FLT1: variants seen among roughly 807,000 people sequenced by gnomAD.
The protein encoded by FLT1 is vascular endothelial growth factor receptor 1.
FLT1 carries 49 observed loss-of-function variants against 156.3 expected under a neutral mutation model. That is an observed-to-expected ratio of 0.31 (90% CI 0.25 to 0.40). The LOEUF is 0.40. FLT1 is among the 10% of genes least tolerant of loss of function. The probability of loss-of-function intolerance (pLI) is 1.00; values close to 1 mark genes in which losing one functional copy is unlikely to be tolerated. For missense variants in FLT1, 1,322 were observed against 1,637.2 expected (o/e 0.81, Z 3.32); for synonymous variants, 594 against 583.8 (o/e 1.02, Z -0.25).
intron 3 of FLT1, among the ~76,000 whole-genome samples, chr13:28,465,465 C>T (rs1204462057): frequency 6.6e-6 from 1 of 152,176 alleles, no homozygotes; most frequent in Non-Finnish European, 1.5e-5. Context: ...GTTCTGCTGT[C>T]TCCTAAGACT....
At chr13:28,468,901 AACAG>A (rs1443922530) in intron 1 of FLT1, among the ~76,000 whole-genome samples, 1 of 152,234 alleles carries the variant, frequency 6.6e-6, no homozygotes, top group Non-Finnish European at 1.5e-5. Flanking sequence ...AGAACAGCCT[AACAG>A]ACAGCCTCAT....
chr13:28,415,214 T>C (rs1256678595), intron 10 of FLT1, among the ~76,000 whole-genome samples: 1 of 152,178 alleles, frequency 6.6e-6, no homozygotes, highest in Non-Finnish European at 1.5e-5. Context: ...GTGCGGTGGC[T>C]CATGCCTGTA....
intron 14 of FLT1, among the ~76,000 whole-genome samples, chr13:28,377,830 T>C (rs898774809): frequency 1.3e-5 from 2 of 152,230 alleles, no homozygotes; most frequent in African/African-American, 2.4e-5. Context: ...GCTTTAAAAA[T>C]GTTTCAAAAC....
intron 13 of FLT1, chr13:28,387,907 CA>C (rs1874465796): frequency 9.4e-7 from 1 of 1,058,210 alleles, no homozygotes; most frequent in African/African-American, 1.7e-5. Flanking sequence ...TTCTTAAAAT[CA>C]TCTTTTGTAA....
intron 4 of FLT1, among the ~76,000 whole-genome samples, chr13:28,437,776 A>G (rs1424866625): frequency 6.6e-6 from 1 of 152,196 alleles, no homozygotes; most frequent in African/African-American, 2.4e-5. Context: ...TGCCAATTCA[A>G]ACCAAACGTG....
intron 11 of FLT1, among the ~76,000 whole-genome samples, chr13:28,404,500 T>C (rs892985860): frequency 6.6e-6 from 1 of 152,218 alleles, no homozygotes; most frequent in African/African-American, 2.4e-5. Context: ...TTTCACATAA[T>C]GAAAATTATA....
Position 28,357,631 on chromosome 13 carries a change from T to C in FLT1, c.2171A>G (p.Glu724Gly). 1 of 1,613,708 alleles carries C rather than the reference T, an allele frequency of 6.2e-7. No homozygotes were observed. The highest frequency in any genetic ancestry group is 2.2e-5 in the East Asian group (1 of 44,884). ...TTTGCAGTGATAGACACCTTCATCC[T>C]CTTCTGTGACTCTTTCAATAAACAG... Reference protein sequence around the residue: ...STLFIERVTEEDEGVYHCKAT... With the variant: ...STLFIERVTEGDEGVYHCKAT... Residue 724 changes from glutamate (E) to glycine (G), a missense_variant, in exon 15 of 30, where the codon GAG becomes GGG. Around this residue, in one of 3 missense-constraint regions of FLT1, gnomAD observed 991 missense variants for 1,254.8 expected, o/e 0.79. Transcript: ENST00000282397.
chr13:28,395,650 C>T (rs1160202812), intron 12 of FLT1, among the ~76,000 whole-genome samples: 2 of 152,164 alleles, frequency 1.3e-5, no homozygotes, highest in Non-Finnish European at 2.9e-5. Context: ...TATATTATAT[C>T]TCTATTGGAC....
At chr13:28,438,477 C>T (rs1878158263) in intron 3 of FLT1, 132 bp from the exon 4 acceptor site, 1 of 720,566 alleles carries the variant, frequency 1.4e-6, no homozygotes, top group Non-Finnish European at 2.4e-6. Flanking sequence ...TCCATACATT[C>T]ACATCTTTGT....
Position 28,345,470 on chromosome 13 carries a change from G to A in FLT1, c.2330C>T (p.Thr777Ile), listed in dbSNP as rs368259775. 89 of 1,610,688 alleles carry A rather than the reference G, an allele frequency of 5.5e-5. No homozygotes were observed. Among genetic ancestry groups the A allele is most frequent in the South Asian group, 4.2e-4 (38 of 90,830 alleles). ...VAATLFWLLL[T>I]LFIRKMKRSS... is the part of the protein sequence containing the mutation. ...CCTTTTCATTTTTCGGATAAAGAGG[G>A]TTAATAGGAGCCAGAAGAGAGTCGC... is the stretch of plus-strand genomic sequence containing the variant. Residue 777 changes from threonine (T) to isoleucine (I), a missense_variant, in exon 16 of 30, where the codon ACC becomes ATC. By Grantham distance (89) the Thr-to-Ile change is moderately conservative. Coordinates refer to ENST00000282397, the MANE Select transcript of FLT1 (RefSeq NM_002019.4).
intron 3 of FLT1, among the ~76,000 whole-genome samples, chr13:28,465,950 A>G (rs753376314): frequency 2.0e-5 from 3 of 152,150 alleles, no homozygotes; most frequent in Non-Finnish European, 4.4e-5. Flanking sequence ...TAGACCCACA[A>G]TGTATATTTA....
In FLT1 at chr13:28,322,421, T is replaced by C. The variant is rs1175983205; in HGVS notation, c.2954-62A>G. 2 of 1,057,068 alleles carry C rather than the reference T, an allele frequency of 1.9e-6. No homozygotes were observed. The highest frequency in any genetic ancestry group is 3.0e-6 in the Non-Finnish European group (2 of 674,966). The allele number at this position is 1,057,068 out of a possible 1,614,324, so 65.5% of individuals were successfully genotyped here. A position where few individuals can be genotyped will look rare whatever the true frequency, so the allele number is the denominator to read the frequency against. ...TCTTGTTATCCCACCAAATCCCAGT[T>C]TATTGGAACAATGTTAGCAAAACAT... On this transcript the variant is annotated intron_variant, in intron 21 of 29. Coordinates refer to ENST00000282397, the MANE Select transcript of FLT1 (RefSeq NM_002019.4). The surrounding 1 kb of genome is among the most constrained non-coding windows in gnomAD (Gnocchi z 4.3).
At position 28,466,936 on chromosome 13, in the gene FLT1, CCTT is replaced by C. The variant is rs1190322248; in HGVS notation, c.352_354del (p.Lys118del). On this transcript the variant is annotated inframe_deletion, in exon 3 of 30. Coordinates refer to ENST00000282397, the MANE Select transcript of FLT1 (RefSeq NM_002019.4). ...AATATATAGATTGCAGATTCTGTTT[CCTT>C]CTTCTTTGAAGTAGGTACAGCTAGA... 8 of 1,613,242 alleles carry C rather than the reference CCTT, an allele frequency of 5.0e-6. 1 individual carries two copies. The South Asian group carries it at 8.8e-5, about 18-fold the overall frequency.
intron 27 of FLT1, among the ~76,000 whole-genome samples, chr13:28,310,748 T>C (rs1273649579): frequency 2.6e-5 from 4 of 152,220 alleles, no homozygotes; most frequent in African/African-American, 9.6e-5. Flanking sequence ...CAGCTCGCTT[T>C]GTTTGTTTAG....
intron 3 of FLT1, among the ~76,000 whole-genome samples, chr13:28,461,507 G>T (rs953426135): frequency 6.6e-6 from 1 of 152,082 alleles, no homozygotes; most frequent in African/African-American, 2.4e-5. Flanking sequence ...AGATAATTAA[G>T]TAAAAGCTCT....
At chr13:28,340,595 G>A (rs992409006) in intron 16 of FLT1, among the ~76,000 whole-genome samples, 1 of 151,986 alleles carries the variant, frequency 6.6e-6, no homozygotes, top group Admixed American at 6.5e-5. Context: ...TGAGTTTTGG[G>A]GCCCTTCCTT....
At chr13:28,341,657 A>G (rs953181988) in intron 16 of FLT1, among the ~76,000 whole-genome samples, 7 of 152,318 alleles carry the variant, frequency 4.6e-5, no homozygotes, top group Non-Finnish European at 7.4e-5. Context: ...ATCTTTATCA[A>G]TGAGGAATTT....
intron 20 of FLT1, among the ~76,000 whole-genome samples, chr13:28,324,613 A>G (rs780680076): frequency 2.6e-5 from 4 of 152,264 alleles, no homozygotes; most frequent in Admixed American, 6.5e-5. Flanking sequence ...TGTTTCCACA[A>G]TGCAGTTATA....
chr13:28,383,750 A>G (rs1874189292), intron 14 of FLT1, among the ~76,000 whole-genome samples: 1 of 151,838 alleles, frequency 6.6e-6, no homozygotes, highest in African/African-American at 2.4e-5. Context: ...AATCGCTTGA[A>G]CCCAGGAGGT....
Sources: allele counts gnomAD v4.1 joint callset (sites outside exome capture counted in the v4.1 genomes callset), GRCh38; gene constraint gnomAD v4.1.1; regional missense constraint gnomAD v4.1.1; non-coding constraint Gnocchi (gnomAD v3.1); transcripts MANE v1.5; gene names NCBI Gene and HGNC (gene_info 2026-07-23, HGNC 2026-07-21).